The following ARHGAP17 variants were observed in gnomAD, a reference collection of about 807,000 sequenced individuals.
ARHGAP17 encodes rho GTPase-activating protein 17.
A neutral mutation model predicts 99.5 loss-of-function variants in ARHGAP17; 57 were observed. The observed-to-expected ratio is 0.57, with a 90% CI of 0.46 to 0.71. ARHGAP17 has a LOEUF of 0.71. ARHGAP17 is among the 30% of genes least tolerant of loss of function. ARHGAP17 has a pLI of 0.00. For missense variants in ARHGAP17, 1,000 were observed against 1,122.4 expected, an observed-to-expected ratio of 0.89 and a Z score of 1.56; for synonymous variants, 417 against 429.6, an observed-to-expected ratio of 0.97 and a Z score of 0.36.
At chr16:24,963,902 C>T (rs76971869) in intron 7 of ARHGAP17, among the ~76,000 whole-genome samples, 3 of 151,988 alleles carry the variant, frequency 2.0e-5, no homozygotes, top group Non-Finnish European at 4.4e-5. Context: ...CATTTTTAAT[C>T]GCTGTAATTT....
chr16:24,958,628 A>G (rs1158835642), intron 9 of ARHGAP17, among the ~76,000 whole-genome samples: 1 of 152,244 alleles, frequency 6.6e-6, no homozygotes, highest in East Asian at 1.9e-4. Flanking sequence ...ATAAAATTTT[A>G]TAATTCCATA....
chr16:24,987,023 T>C (rs2052890500), intron 1 of ARHGAP17, among the ~76,000 whole-genome samples: 1 of 152,246 alleles, frequency 6.6e-6, no homozygotes, highest in African/African-American at 2.4e-5. Flanking sequence ...TTTTAATCAC[T>C]GTTTGCTTTC....
At chr16:24,949,604 T>C in intron 12 of ARHGAP17, 120 bp from the exon 13 acceptor site, 1 of 768,792 alleles carries the variant, frequency 1.3e-6, no homozygotes. Context: ...AAACAGCCCA[T>C]GCTATGGAAA....
chr16:24,939,841 A>T (rs2051263440), intron 16 of ARHGAP17: 2 of 555,416 alleles, frequency 3.6e-6, no homozygotes, highest in African/African-American at 1.9e-5. Flanking sequence ...TGAGCAGCTA[A>T]AAGCAAATAG....
At chr16:24,978,080 G>T (rs549562777) in intron 2 of ARHGAP17, among the ~76,000 whole-genome samples, 30 of 152,266 alleles carry the variant, frequency 2.0e-4, no homozygotes, top group Admixed American at 9.1e-4. Context: ...GCAGGCAATG[G>T]GAGATTTAGG....
intron 1 of ARHGAP17, among the ~76,000 whole-genome samples, chr16:24,990,685 C>T (rs2053013274): frequency 6.6e-6 from 1 of 151,684 alleles, no homozygotes; most frequent in Admixed American, 6.6e-5. Flanking sequence ...ACACACACCC[C>T]TCATAAGGTT....
chr16:24,970,386 A>G, intron 4 of ARHGAP17, 121 bp downstream of exon 4: 1 of 933,808 alleles, frequency 1.1e-6, no homozygotes, highest in Non-Finnish European at 1.7e-6. Context: ...CCGGTCTCCT[A>G]GCGGATGAGC....
chr16:24,936,877 G>A (rs1300844396), intron 17 of ARHGAP17: 2 of 152,014 alleles, frequency 1.3e-5, no homozygotes, highest in African/African-American at 4.8e-5. Context: ...CCAGCACTTT[G>A]GGAGGTTAGG....
Position 24,930,849 on chromosome 16 carries a change from C to G in ARHGAP17, c.2450G>C (p.Gly817Ala), listed in dbSNP as rs139518593. Residue 817 changes from glycine (G) to alanine (A), a missense_variant, in exon 19 of 20, where the codon GGT (glycine) becomes GCT (alanine). Physicochemically the swap from Gly to Ala is moderately conservative, Grantham distance 60. This residue lies in a region of ARHGAP17 where 528 missense variants were observed against 511.4 expected (regional missense o/e 1.03). Coordinates refer to ENST00000289968, the MANE Select transcript of ARHGAP17 (RefSeq NM_001006634.3). ...PSVPPPPQPP[G>A]VHSAGDSSLT... The stretch of plus-strand genomic sequence containing the variant: ...GCTGCTGTCCCCAGCTGAGTGGACA[C>G]CAGGAGGTTGGGGGGGTGGGGGCAC... 4 of 1,613,906 alleles carry G rather than the reference C, an allele frequency of 2.5e-6. No individual in the cohort carries two copies. The Admixed American group carries it at 6.7e-5, about 27-fold the overall frequency.
At chr16:24,922,804 T>C (rs1421067292) in intron 19 of ARHGAP17, among the ~76,000 whole-genome samples, 1 of 151,688 alleles carries the variant, frequency 6.6e-6, no homozygotes, top group East Asian at 1.9e-4. Context: ...GCCTCCCGAG[T>C]AGCTAGGACT....
chr16:24,970,054 TA>T (rs200930789), intron 4 of ARHGAP17, among the ~76,000 whole-genome samples: 45,626 of 143,096 alleles, frequency 0.32, 7,863 homozygotes, highest in Non-Finnish European at 0.42. Flanking sequence ...ATGACAATTG[TA>T]AAAAAAAAAA....
At chr16:24,977,844 G>C (rs2052564128) in intron 2 of ARHGAP17, among the ~76,000 whole-genome samples, 1 of 152,152 alleles carries the variant, frequency 6.6e-6, no homozygotes, top group African/African-American at 2.4e-5. Flanking sequence ...ATGGCAAAGA[G>C]AGCCGCTTTT....
chr16:24,962,846 T>C (rs903660156), intron 7 of ARHGAP17, among the ~76,000 whole-genome samples: 1 of 152,184 alleles, frequency 6.6e-6, no homozygotes, highest in East Asian at 1.9e-4. Flanking sequence ...ATGGAAAATA[T>C]AGTCAATGAA....
intron 7 of ARHGAP17, among the ~76,000 whole-genome samples, 176 bp from the exon 8 acceptor site, chr16:24,960,155 C>A (rs1158270813): frequency 1.3e-5 from 2 of 152,232 alleles, no homozygotes; most frequent in African/African-American, 2.4e-5. Flanking sequence ...TCTTACATGA[C>A]TGACAAAGAA....
chr16:24,991,427 GCTGTTCTAGCTTCT>G (rs2141429125), intron 1 of ARHGAP17, among the ~76,000 whole-genome samples: 1 of 152,320 alleles, frequency 6.6e-6, no homozygotes, highest in East Asian at 1.9e-4. Context: ...AATTTATCAA[GCTGTTCTAGCTTCT>G]CTCTGGAAGA....
Position 24,949,413 on chromosome 16 carries a change from A to T in ARHGAP17, c.1118T>A (p.Val373Asp), listed in dbSNP as rs1270056848. 6.2e-7 allele frequency: 1 copy of T among 1,613,722 alleles called. No homozygotes were observed. The highest frequency in any genetic ancestry group is 1.3e-5 in the African/African-American group (1 of 74,910). ...TCQKLPPQNF[V>D]NFRYLIKFLA... is the part of the protein sequence containing the mutation. Reference sequence around the variant, plus strand: ...GCTCAATCATACATACCTAAAGTTAACAAAATTTTGTGGTGGCAACTTCTG... The same window carrying T: ...GCTCAATCATACATACCTAAAGTTATCAAAATTTTGTGGTGGCAACTTCTG... The change falls in exon 13 of 20, where the codon GTT becomes GAT. Residue 373 changes from valine (V) to aspartate (D), a missense_variant. Val to Asp is a radical substitution (Grantham distance 152). Around this residue, in one of 2 missense-constraint regions of ARHGAP17, gnomAD observed 472 missense variants for 611.1 expected, o/e 0.77. Transcript: ENST00000289968.
At chr16:24,930,646 TG>T (rs1394298404) in intron 19 of ARHGAP17, 137 bp downstream of exon 19, 2 of 1,432,690 alleles carry the variant, frequency 1.4e-6, no homozygotes, top group African/African-American at 1.4e-5. Context: ...TGACAAAAAC[TG>T]GCTGCAGGAC....
intron 1 of ARHGAP17, among the ~76,000 whole-genome samples, chr16:24,985,182 G>A (rs1288773397): frequency 8.2e-6 from 1 of 122,066 alleles, no homozygotes; most frequent in African/African-American, 4.0e-5. Flanking sequence ...TATCCTAAAT[G>A]CAACCCCACA....
At position 24,948,682 on chromosome 16, in the gene ARHGAP17, A is replaced by G. The variant is rs114118907; in HGVS notation, c.1127+722T>C. Among the ~76,000 whole-genome samples the G allele has an allele frequency of 6.7e-3, 1,020 of 152,100 alleles. 16 individuals carry two copies. Among genetic ancestry groups the G allele is most frequent in the African/African-American group, 0.023 (973 of 41,508 alleles). ...GTAGCTTAGCTTAGTAGGAGAGCCC[A>G]AGGCGGAATTTAAGGACAAGTAACA... On this transcript the variant is annotated intron_variant, in intron 13 of 19. Transcript: ENST00000289968.
Sources: gnomAD v4.1 joint callset for allele counts (sites outside exome capture counted in the v4.1 genomes callset) on GRCh38, gnomAD v4.1.1 for gene constraint, gnomAD v4.1.1 regional missense constraint, MANE v1.5 for transcripts, NCBI Gene and HGNC (gene_info 2026-07-23, HGNC 2026-07-21) for gene names.